SPEG: variants seen among roughly 807,000 people sequenced by gnomAD.
SPEG encodes the protein striated muscle preferentially expressed protein kinase.
SPEG carries 114 observed loss-of-function variants against 300.4 expected under a neutral mutation model. That is an observed-to-expected ratio of 0.38 (90% CI 0.33 to 0.44). The LOEUF (loss-of-function observed/expected upper bound fraction) is 0.44. Ranked by LOEUF, SPEG falls within the 20% of genes least tolerant of loss-of-function variation. The probability of loss-of-function intolerance (pLI) is 1.00; values close to 1 mark genes in which losing one functional copy is unlikely to be tolerated. For synonymous variants in SPEG, 1,964 were observed against 2,018.9 expected (o/e 0.97, Z 0.73); for missense variants, 4,201 against 4,586.2 (o/e 0.92, Z 2.43).
intron 8 of SPEG, among the ~76,000 whole-genome samples, chr2:219,463,291 G>A (rs774608713): frequency 7.3e-5 from 11 of 151,076 alleles, no homozygotes; most frequent in Admixed American, 2.0e-4. Flanking sequence ...GAGGGGCCTC[G>A]CTCATCCCAG....
At chr2:219,436,898 A>G (rs1954733882) in intron 1 of SPEG, among the ~76,000 whole-genome samples, 1 of 152,232 alleles carries the variant, frequency 6.6e-6, no homozygotes, top group Non-Finnish European at 1.5e-5. Flanking sequence ...AACATAGATC[A>G]AAGGGTAAGA....
At position 219,483,882 on chromosome 2, in the gene SPEG, G is replaced by A; in HGVS notation, c.6419G>A (p.Gly2140Asp). Residue 2140 changes from glycine (G) to aspartate (D), a missense_variant, in exon 30 of 41, where the codon GGC becomes GAC. By Grantham distance (94) the Gly-to-Asp change is moderately conservative (BLOSUM62 -1). Transcript: ENST00000312358. ...SFSQGEAEPR[G>D]RHRRAGAPLE... is the part of the protein sequence containing the mutation. Reference sequence around the variant, plus strand: ...TCCCAGGGTGAGGCGGAGCCCCGGGGCCGGCACCGCCGAGCGGGGGCGCCC... The same window carrying A: ...TCCCAGGGTGAGGCGGAGCCCCGGGACCGGCACCGCCGAGCGGGGGCGCCC... 6.3e-7 allele frequency: 1 copy of A among 1,598,542 alleles called. No individual in the cohort carries two copies. The highest frequency in any genetic ancestry group is 8.5e-7 in the Non-Finnish European group (1 of 1,177,708).
At chr2:219,476,800 G>A in intron 18 of SPEG, 70 bp from the exon 19 acceptor site, 1 of 1,224,540 alleles carries the variant, frequency 8.2e-7, no homozygotes, top group Non-Finnish European at 1.2e-6. Flanking sequence ...ATCTTGGGAG[G>A]GGCTGAGGAG....
Position 219,443,382 on chromosome 2 carries a change from G to T in SPEG, c.389-1271G>T. ...TAGCACACCCCTGCATGGACTGGGTGCCCTGTTCTCCATGTGAGGCCTAAT... is the reference window on the plus strand; with the variant it reads ...TAGCACACCCCTGCATGGACTGGGTTCCCTGTTCTCCATGTGAGGCCTAAT... On this transcript the variant is annotated intron_variant, in intron 1 of 40. Coordinates refer to ENST00000312358, the MANE Select transcript of SPEG (RefSeq NM_005876.5). The surrounding 1 kb of genome is among the most constrained non-coding windows in gnomAD (Gnocchi z 4.6). 1.7e-6 allele frequency: 1 copy of T among 579,330 alleles called. No homozygotes were observed. Among genetic ancestry groups the T allele is most frequent in the Non-Finnish European group, 3.1e-6 (1 of 321,304 alleles). 35.9% of individuals were successfully genotyped at this position (579,330 alleles called of 1,614,324 possible). A position where few individuals can be genotyped will look rare whatever the true frequency, so the allele number is the denominator to read the frequency against.
rs775804152 is a variant in SPEG, at chr2:219,464,403, C to T, written c.2706-30C>T. On this transcript the variant is annotated intron_variant, in intron 8 of 40. Transcript: ENST00000312358. This position sits in a 1 kb window ranked among gnomAD's most constrained non-coding sequence, Gnocchi z 4.5. ...GTGCACGCACATCAGGCCCCTGGGC[C>T]CTGGGACTGAGTTCTTGCCCCTCTG... 1 of 1,595,356 alleles carries T rather than the reference C, an allele frequency of 6.3e-7. No individual in the cohort carries two copies. The highest frequency in any genetic ancestry group is 1.7e-5 in the Admixed American group (1 of 59,510).
In SPEG at chr2:219,483,691, G is replaced by T; in HGVS notation, c.6228G>T (p.Arg2076=). Residue 2076 remains arginine, a synonymous_variant, in exon 30 of 41, where the codon CGG becomes CGT. Coordinates refer to ENST00000312358, the MANE Select transcript of SPEG (RefSeq NM_005876.5). ...RLQALRQRLL[R]GGPEDGKVSG... ...AGGCCCTGCGCCAGCGGCTGCTGCG[G>T]GGAGGCCCCGAGGATGGCAAGGTCA... is the stretch of plus-strand genomic sequence containing the variant. 1 of 1,533,806 alleles carries T rather than the reference G, an allele frequency of 6.5e-7. No individual in the cohort carries two copies.
chr2:219,472,475 T>G, intron 15 of SPEG, 144 bp downstream of exon 15: 2 of 679,950 alleles, frequency 2.9e-6, no homozygotes, highest in Non-Finnish European at 5.0e-6. Context: ...GCTTTGCCCG[T>G]CTTCTCTCCA....
chr2:219,490,547 G>A lies in SPEG; in HGVS notation c.9060G>A (p.Glu3020=), dbSNP rs1489061400. 13 of 1,613,720 alleles carry A rather than the reference G, an allele frequency of 8.1e-6. No homozygotes were observed. Among genetic ancestry groups the A allele is most frequent in the Non-Finnish European group, 1.1e-5 (13 of 1,180,020 alleles). Reference sequence around the variant, plus strand: ...AGGTGCTGCGGACCCTGCACCACGAGCGGATCATGTCCCTGCACGAGGCCT... The same window carrying A: ...AGGTGCTGCGGACCCTGCACCACGAACGGATCATGTCCCTGCACGAGGCCT... ...EYEVLRTLHH[E]RIMSLHEAYI... The change falls in exon 37 of 41, where the codon GAG becomes GAA. Residue 3020 remains glutamate (E), a synonymous_variant. Coordinates refer to ENST00000312358, the MANE Select transcript of SPEG (RefSeq NM_005876.5).
intron 38 of SPEG, among the ~76,000 whole-genome samples, chr2:219,491,506 C>A (rs1693968898): frequency 6.6e-6 from 1 of 152,196 alleles, no homozygotes; most frequent in Non-Finnish European, 1.5e-5. Flanking sequence ...GGGAGCCATA[C>A]CTTGGAGCCG....
rs1224472326 is a variant in SPEG at position 219,435,000 on chromosome 2, G to T, written c.23G>T (p.Arg8Leu). The T allele has an allele frequency of 2.7e-6, 4 of 1,505,796 alleles. No homozygotes were observed. Among genetic ancestry groups the T allele is most frequent in the Non-Finnish European group, 3.5e-6 (4 of 1,135,014 alleles). 93.3% of individuals were successfully genotyped at this position (1,505,796 alleles called of 1,614,324 possible). ...GCCATGCAGAAAGCCCGGGGCACGC[G>T]AGGCGAGGATGCGGGCACGAGGGCA... Reference protein sequence around the residue: MQKARGTRGEDAGTRAPP... With the variant: MQKARGTLGEDAGTRAPP... The change falls in exon 1 of 41, where the codon CGA becomes CTA. Residue 8 changes from arginine to leucine, a missense_variant. Coordinates refer to ENST00000312358, the MANE Select transcript of SPEG (RefSeq NM_005876.5).
rs1347197159 is a variant in SPEG at position 219,493,199 on chromosome 2, C to T, written c.*413C>T. The T allele has an allele frequency of 1.0e-5, 4 of 387,230 alleles. No homozygotes were observed. The highest frequency in any genetic ancestry group is 3.5e-5 in the Admixed American group (1 of 28,844). 24.0% of individuals were successfully genotyped at this position (387,230 alleles called of 1,614,324 possible). ...AAGGAAGGAGCCCCAGGTGTCAGGGCAGTAGGCTGGGAGTCAGTGTGGCAA... is the reference window on the plus strand; with the variant it reads ...AAGGAAGGAGCCCCAGGTGTCAGGGTAGTAGGCTGGGAGTCAGTGTGGCAA... On this transcript the variant is annotated 3_prime_UTR_variant, in exon 41 of 41. Transcript: ENST00000312358.
chr2:219,479,226 C>T lies in SPEG; in HGVS notation c.5085+25C>T, dbSNP rs1441184010. The T allele has an allele frequency of 4.4e-6, 7 of 1,606,778 alleles. No individual in the cohort carries two copies. Among genetic ancestry groups the T allele is most frequent in the Non-Finnish European group, 4.3e-6 (5 of 1,174,556 alleles). ...GGTGAGGGCAGTGGGTGGCAGGGGC[C>T]AGGTTGGGCACCAGCCTTCACCCAC... is the stretch of plus-strand genomic sequence containing the variant. On this transcript the variant is annotated intron_variant, in intron 23 of 40. Coordinates refer to ENST00000312358, the MANE Select transcript of SPEG (RefSeq NM_005876.5). This position sits in a 1 kb window ranked among gnomAD's most constrained non-coding sequence, Gnocchi z 5.5.
intron 1 of SPEG, among the ~76,000 whole-genome samples, chr2:219,436,368 T>C (rs1051428864): frequency 3.9e-5 from 6 of 152,248 alleles, no homozygotes; most frequent in African/African-American, 1.2e-4. Flanking sequence ...CAAGTGGTAC[T>C]TCTCTAGCCA....
Position 219,451,656 on chromosome 2 carries a change from C to T in SPEG, c.2289C>T (p.Arg763=), listed in dbSNP as rs1403402158. 1.9e-6 allele frequency: 3 copies of T among 1,587,394 alleles called. No individual in the cohort carries two copies. Among genetic ancestry groups the T allele is most frequent in the Admixed American group, 3.5e-5 (2 of 57,402 alleles). Residue 763 remains arginine (R), a synonymous_variant, in exon 6 of 41, where the codon CGC becomes CGT. Transcript: ENST00000312358. This position sits in a 1 kb window ranked among gnomAD's most constrained non-coding sequence, Gnocchi z 6.4. The part of the protein sequence containing the change: ...VSWHKDGSAL[R]SEGRLLLRAE... ...GGCACAAGGATGGGTCAGCGCTGCG[C>T]AGCGAGGGCCGCCTCCTCCTCCGGG...
rs1691224445 is a variant in SPEG, at chr2:219,465,810, T to TGCGTGTGCGTGCGCATGC, written c.2881+1203_2881+1204insCGTGTGCGTGCGCATGCG. 1.2e-5 allele frequency: 7 copies of TGCGTGTGCGTGCGCATGC among 592,356 alleles called. No homozygotes were observed. In the East Asian group the frequency reaches 2.1e-4, roughly 18 times the overall value. The allele number at this position is 592,356 out of a possible 1,614,324, so 36.7% of individuals were successfully genotyped here. A position where few individuals can be genotyped will look rare whatever the true frequency, so the allele number is the denominator to read the frequency against. On this transcript the variant is annotated intron_variant, in intron 9 of 40. Transcript: ENST00000312358. ...AGGTCTGCGTGCCTGTGCGTGCATG[T>TGCGTGTGCGTGCGCATGC]GTGCGTGTGCGTGCGCATGCGTGCG...
chr2:219,476,947 G>C lies in SPEG; in HGVS notation c.4525G>C (p.Glu1509Gln). 1 of 1,612,690 alleles carries C rather than the reference G, an allele frequency of 6.2e-7. No individual in the cohort carries two copies. Among genetic ancestry groups the C allele is most frequent in the South Asian group, 1.1e-5 (1 of 90,916 alleles). Residue 1509 changes from glutamate to glutamine, a missense_variant, in exon 19 of 41, where the codon GAG becomes CAG. Around this residue, in one of 4 missense-constraint regions of SPEG, gnomAD observed 1,047 missense variants for 1,356.8 expected, o/e 0.77. Transcript: ENST00000312358. ...AACTGCTCGCTTTGCGGTGGTGGTC[G>C]AGGGAAAACCACTGCCGGACATCAT... ...GETARFAVVVEGKPLPDIMWY... is the reference protein window; with the variant it reads ...GETARFAVVVQGKPLPDIMWY...
intron 6 of SPEG, among the ~76,000 whole-genome samples, chr2:219,452,067 C>A (rs913416433): frequency 6.6e-6 from 1 of 151,952 alleles, no homozygotes; most frequent in Non-Finnish European, 1.5e-5. Flanking sequence ...TTGTGTTTAG[C>A]CATCCTCTAA....
chr2:219,436,620 A>T (rs1427841890), intron 1 of SPEG, among the ~76,000 whole-genome samples: 1 of 152,152 alleles, frequency 6.6e-6, no homozygotes, highest in African/African-American at 2.4e-5. Flanking sequence ...AAGTCAGGAG[A>T]GGGAGCCGGG....
Position 219,477,221 on chromosome 2 carries a change from G to GTA in SPEG, c.4561-56_4561-55insTA. On this transcript the variant is annotated intron_variant, in intron 19 of 40. Coordinates refer to ENST00000312358, the MANE Select transcript of SPEG (RefSeq NM_005876.5). The surrounding 1 kb of genome is among the most constrained non-coding windows in gnomAD (Gnocchi z 6.4). ...GCCCAGAGTAGGAGATGAGGCCCTG[G>GTA]CCCCAAGGTAGAGATGAGGCCAGGC... 4.5e-6 allele frequency: 7 copies of GTA among 1,551,310 alleles called. No individual in the cohort carries two copies. Among genetic ancestry groups the GTA allele is most frequent in the South Asian group, 1.2e-5 (1 of 83,280 alleles).
Sources: gnomAD v4.1 joint callset for allele counts (sites outside exome capture counted in the v4.1 genomes callset) on GRCh38, gnomAD v4.1.1 for gene constraint, gnomAD v4.1.1 regional missense constraint, Gnocchi (gnomAD v3.1) non-coding constraint, MANE v1.5 for transcripts, NCBI Gene and HGNC (gene_info 2026-07-23, HGNC 2026-07-21) for gene names.